The following LTBP1 variants were observed in gnomAD, a reference collection of about 807,000 sequenced individuals.
The protein encoded by LTBP1 is latent-transforming growth factor beta-binding protein 1.
LTBP1 carries 129 observed loss-of-function variants against 207.6 expected under a neutral mutation model. That is an observed-to-expected ratio of 0.62 (90% CI 0.54 to 0.72). The LOEUF is 0.72. Ranked by LOEUF, LTBP1 falls within the 30% of genes least tolerant of loss-of-function variation. The pLI is 0.00. For synonymous variants in LTBP1, 963 were observed against 833.7 expected (o/e 1.16, Z -2.67); for missense variants, 2,281 against 2,217.2 (o/e 1.03, Z -0.58).
intron 5 of LTBP1, among the ~76,000 whole-genome samples, chr2:33,168,669 T>C (rs1234239988): frequency 2.6e-5 from 4 of 151,774 alleles, no homozygotes; most frequent in Non-Finnish European, 5.9e-5. Flanking sequence ...CACCTGGCCT[T>C]TTTAGCATGT....
chr2:33,148,533 G>C (rs980622594), intron 5 of LTBP1, among the ~76,000 whole-genome samples: 2 of 152,134 alleles, frequency 1.3e-5, no homozygotes, highest in Non-Finnish European at 2.9e-5. Flanking sequence ...TTTCCCTTCT[G>C]TGTGTCATCA....
chr2:33,062,501 T>A (rs1181902517), intron 3 of LTBP1, among the ~76,000 whole-genome samples: 1 of 152,104 alleles, frequency 6.6e-6, no homozygotes, highest in Non-Finnish European at 1.5e-5. Flanking sequence ...GGATGCTTCA[T>A]TTTTTTTCTT....
At chr2:33,090,336 G>C (rs1005880073) in intron 3 of LTBP1, among the ~76,000 whole-genome samples, 5 of 152,198 alleles carry the variant, frequency 3.3e-5, no homozygotes, top group African/African-American at 1.2e-4. Context: ...TGGGATCACA[G>C]GTGTTGCCTT....
chr2:32,962,065 TTTC>T (rs1385040422), intron 2 of LTBP1, among the ~76,000 whole-genome samples: 3 of 152,158 alleles, frequency 2.0e-5, no homozygotes, highest in Non-Finnish European at 4.4e-5. Context: ...TGTTGGTGCA[TTTC>T]TTGTCTTGAA....
At chr2:33,244,343 C>G (rs1438983125) in intron 10 of LTBP1, among the ~76,000 whole-genome samples, 2 of 152,086 alleles carry the variant, frequency 1.3e-5, no homozygotes, top group Non-Finnish European at 2.9e-5. Context: ...TTCTTTAAAC[C>G]CACCAAAATG....
chr2:33,161,233 G>C (rs1217715535), intron 5 of LTBP1, among the ~76,000 whole-genome samples: 3 of 150,928 alleles, frequency 2.0e-5, no homozygotes, highest in South Asian at 2.1e-4. Context: ...CCCTTACGTA[G>C]AGGTTAAATA....
At chr2:33,026,584 C>T (rs1487731057) in intron 3 of LTBP1, among the ~76,000 whole-genome samples, 1 of 152,076 alleles carries the variant, frequency 6.6e-6, no homozygotes, top group South Asian at 2.1e-4. Context: ...GTGGTCTGCC[C>T]AACGAGTCTG....
At chr2:33,280,018 C>G (rs759040193) in intron 18 of LTBP1, 21 bp from the exon 19 acceptor site, 3 of 1,612,572 alleles carry the variant, frequency 1.9e-6, no homozygotes, top group Non-Finnish European at 2.5e-6. Context: ...ATGTTCACGA[C>G]CTAGGTTTTT....
chr2:33,186,735 T>C, intron 5 of LTBP1, 121 bp from the exon 6 acceptor site: 1 of 708,488 alleles, frequency 1.4e-6, no homozygotes, highest in Middle Eastern at 2.8e-4. Flanking sequence ...TTACCATTTC[T>C]AAAGGTCATG....
intron 24 of LTBP1, among the ~76,000 whole-genome samples, chr2:33,321,731 T>G (rs2094357497): frequency 6.6e-6 from 1 of 152,196 alleles, no homozygotes; most frequent in African/African-American, 2.4e-5. Flanking sequence ...TAGCCCAAGA[T>G]TTTCAGGTTT....
At chr2:33,261,960 G>A (rs1271994950) in intron 13 of LTBP1, among the ~76,000 whole-genome samples, 1 of 152,170 alleles carries the variant, frequency 6.6e-6, no homozygotes, top group East Asian at 1.9e-4. Context: ...TGAGCTCCCT[G>A]GTCACATCTG....
At chr2:33,215,825 C>T (rs1012145076) in intron 7 of LTBP1, among the ~76,000 whole-genome samples, 1 of 151,910 alleles carries the variant, frequency 6.6e-6, no homozygotes, top group Non-Finnish European at 1.5e-5. Flanking sequence ...AAGCGATCCC[C>T]CTGCCTCAGC....
chr2:32,969,399 T>C (rs1572872324), intron 2 of LTBP1, among the ~76,000 whole-genome samples: 2 of 152,284 alleles, frequency 1.3e-5, no homozygotes, highest in Middle Eastern at 3.4e-3. Flanking sequence ...CAGTACCTAA[T>C]AGGTAGTTTT....
At chr2:33,293,351 C>T (rs2093812524) in intron 20 of LTBP1, 69 bp downstream of exon 20, 1 of 1,461,322 alleles carries the variant, frequency 6.8e-7, no homozygotes, top group Non-Finnish European at 9.2e-7. Flanking sequence ...AGCAATTAGC[C>T]TTAGAAAAGG....
intron 5 of LTBP1, among the ~76,000 whole-genome samples, chr2:33,182,735 C>G (rs2086797475): frequency 2.4e-5 from 2 of 84,860 alleles, no homozygotes; most frequent in South Asian, 6.1e-4. Flanking sequence ...CACACACACA[C>G]AGACATATAT....
chr2:33,126,783 G>A (rs1170792921), intron 4 of LTBP1, among the ~76,000 whole-genome samples: 1 of 152,074 alleles, frequency 6.6e-6, no homozygotes, highest in Non-Finnish European at 1.5e-5. Context: ...TGGGGCCATT[G>A]GATGCAGTCA....
At chr2:33,042,554 G>C (rs13431078) in intron 3 of LTBP1, among the ~76,000 whole-genome samples, 19,827 of 152,128 alleles carry the variant, frequency 0.13, 1,411 homozygotes, top group South Asian at 0.21. Context: ...ACATGCCAAA[G>C]GGATGGTTTA....
intron 31 of LTBP1, among the ~76,000 whole-genome samples, chr2:33,384,303 C>T (rs2095246940): frequency 6.6e-6 from 1 of 152,194 alleles, no homozygotes. Context: ...GTTTAGACTA[C>T]TTAGCGACGG....
intron 31 of LTBP1, among the ~76,000 whole-genome samples, chr2:33,387,280 A>C (rs996148966): frequency 5.9e-5 from 9 of 152,368 alleles, no homozygotes; most frequent in South Asian, 4.1e-4. Context: ...ACTTGTAAAC[A>C]TTTCAGCAAT....
Sources: allele counts gnomAD v4.1 joint callset (sites outside exome capture counted in the v4.1 genomes callset), GRCh38; gene constraint gnomAD v4.1.1; transcripts MANE v1.5; gene names NCBI Gene and HGNC (gene_info 2026-07-23, HGNC 2026-07-21).